RPS6KA1: variants seen among roughly 807,000 people sequenced by gnomAD.
The protein encoded by RPS6KA1 is ribosomal protein S6 kinase alpha-1.
A neutral mutation model predicts 91.3 loss-of-function variants in RPS6KA1; 48 were observed. The observed-to-expected ratio is 0.53, with a 90% confidence interval of 0.42 to 0.67. The LOEUF is 0.67. RPS6KA1 is among the 30% of genes least tolerant of loss of function. The pLI is 0.00. For missense variants in RPS6KA1, 719 were observed against 960.5 expected, an observed-to-expected ratio of 0.75 and a Z score of 3.32; for synonymous variants, 359 against 384.7, an observed-to-expected ratio of 0.93 and a Z score of 0.78.
intron 2 of RPS6KA1, among the ~76,000 whole-genome samples, chr1:26,539,374 T>C (rs1467105463): frequency 2.0e-5 from 3 of 152,082 alleles, no homozygotes; most frequent in African/African-American, 7.2e-5. Flanking sequence ...AAAGGCAGGA[T>C]TTGGGCAGCT....
rs753241715 is a variant in RPS6KA1, at chr1:26,573,350, CA to C, written c.2075del (p.Gln692ArgfsTer3). ...PQSQLSHQDL[Q>X]LVKGAMAATY... ...AAGCCAGCTGTCCCACCAGGACCTACAGCTTGTGAAGGTATGGCCACCCTTG... is the reference window on the plus strand; with the variant it reads ...AAGCCAGCTGTCCCACCAGGACCTACGCTTGTGAAGGTATGGCCACCCTTG... On this transcript the variant is annotated frameshift_variant, in exon 21 of 22. Transcript: ENST00000374168. LOFTEE classifies it high-confidence loss of function. 1 of 1,614,088 alleles carries C rather than the reference CA, an allele frequency of 6.2e-7. No homozygotes were observed. Among genetic ancestry groups the C allele is most frequent in the African/African-American group, 1.3e-5 (1 of 74,948 alleles).
In RPS6KA1 at chr1:26,541,256, C is replaced by CAA. The variant is rs1236744429; in HGVS notation, c.108+4302_108+4303dup. ...TGGGCAACAGAGTGAGACTCTGTCT[C>CAA]AAAAAAAAAAAAAAAATGCCGGACA... On this transcript the variant is annotated intron_variant, in intron 2 of 21. Coordinates refer to ENST00000374168, the MANE Select transcript of RPS6KA1 (RefSeq NM_002953.4). Among the ~76,000 whole-genome samples the CAA allele has an allele frequency of 5.3e-3, 491 of 93,488 alleles. 6 individuals carry two copies. Among genetic ancestry groups the CAA allele is most frequent in the African/African-American group, 0.018 (469 of 25,844 alleles). The allele number at this position is 93,488 out of a possible 152,430, so 61.3% of individuals were successfully genotyped here.
At position 26,554,499 on chromosome 1, in the gene RPS6KA1, G is replaced by C; in HGVS notation, c.614-97G>C. 3 of 1,480,442 alleles carry C rather than the reference G, an allele frequency of 2.0e-6. No individual in the cohort carries two copies. The highest frequency in any genetic ancestry group is 1.8e-6 in the Non-Finnish European group (2 of 1,091,512). 91.7% of individuals were successfully genotyped at this position (1,480,442 alleles called of 1,614,324 possible). A position where few individuals can be genotyped will look rare whatever the true frequency, so the allele number is the denominator to read the frequency against. The stretch of plus-strand genomic sequence containing the variant: ...TCCTCCTGAGTGTCATGGGGGTGAT[G>C]CCTTCTGGCCTCTGGGCACGGGGGT... On this transcript the variant is annotated intron_variant, in intron 8 of 21. Coordinates refer to ENST00000374168, the MANE Select transcript of RPS6KA1 (RefSeq NM_002953.4). The surrounding 1 kb of genome is among the most constrained non-coding windows in gnomAD (Gnocchi z 4.6).
intron 20 of RPS6KA1, 38 bp from the exon 21 acceptor site, chr1:26,573,186 C>A (rs766967846): frequency 6.2e-7 from 1 of 1,606,698 alleles, no homozygotes; most frequent in East Asian, 2.2e-5. Context: ...TGCTCCCCTG[C>A]AGCCCTCCCC....
In RPS6KA1 at chr1:26,574,441, T is replaced by TG. The variant is rs2076279127; in HGVS notation, c.*241dup. 1 of 712,572 alleles carries TG rather than the reference T, an allele frequency of 1.4e-6. No homozygotes were observed. 44.1% of individuals were successfully genotyped at this position (712,572 alleles called of 1,614,324 possible). On this transcript the variant is annotated 3_prime_UTR_variant, in exon 22 of 22. Coordinates refer to ENST00000374168, the MANE Select transcript of RPS6KA1 (RefSeq NM_002953.4). This position sits in a 1 kb window ranked among gnomAD's most constrained non-coding sequence, Gnocchi z 4.3. ...GATTCACTGTATAAACTTTTTTTTA[T>TG]GAAAAAAATGGCATCAACCACCATG...
chr1:26,554,072 C>T lies in RPS6KA1; in HGVS notation c.576-142C>T. 3 of 807,048 alleles carry T rather than the reference C, an allele frequency of 3.7e-6. No individual in the cohort carries two copies. In the South Asian group the frequency reaches 5.7e-5, roughly 15 times the overall value. 50.0% of individuals were successfully genotyped at this position (807,048 alleles called of 1,614,324 possible). Reference sequence around the variant, plus strand: ...ACACCCCTGCGTGGTACTGCTACCACCCTGCAACACCCGCCCAGTCATCAG... The same window carrying T: ...ACACCCCTGCGTGGTACTGCTACCATCCTGCAACACCCGCCCAGTCATCAG... On this transcript the variant is annotated intron_variant, in intron 7 of 21. Coordinates refer to ENST00000374168, the MANE Select transcript of RPS6KA1 (RefSeq NM_002953.4). The surrounding 1 kb of genome is among the most constrained non-coding windows in gnomAD (Gnocchi z 4.6).
At chr1:26,552,638 C>A (rs1233852384) in intron 6 of RPS6KA1, among the ~76,000 whole-genome samples, 1 of 151,300 alleles carries the variant, frequency 6.6e-6, no homozygotes, top group Non-Finnish European at 1.5e-5. Context: ...AGGTGCACGC[C>A]ACCACGCCTG....
At chr1:26,541,423 AG>A (rs2075946861) in intron 2 of RPS6KA1, among the ~76,000 whole-genome samples, 1 of 151,660 alleles carries the variant, frequency 6.6e-6, no homozygotes, top group African/African-American at 2.4e-5. Context: ...GGCATTGTGG[AG>A]TGTGCCTGTA....
chr1:26,572,168 T>C lies in RPS6KA1; in HGVS notation c.1830-8T>C, dbSNP rs368703733. The C allele has an allele frequency of 2.8e-5, 45 of 1,611,540 alleles. No individual in the cohort carries two copies. In the African/African-American group the frequency reaches 5.6e-4, roughly 20 times the overall value. Reference sequence around the variant, plus strand: ...GTCTGTACCCAGACCGTGCGGGCTTTTCTGCAGATATACTCCATTTGCCAA... The same window carrying C: ...GTCTGTACCCAGACCGTGCGGGCTTCTCTGCAGATATACTCCATTTGCCAA... On this transcript the variant is annotated splice_region_variant and splice_polypyrimidine_tract_variant and intron_variant, in intron 19 of 21. Coordinates refer to ENST00000374168, the MANE Select transcript of RPS6KA1 (RefSeq NM_002953.4).
chr1:26,554,080 C>A lies in RPS6KA1; in HGVS notation c.576-134C>A. The A allele has an allele frequency of 1.1e-6, 1 of 897,900 alleles. No individual in the cohort carries two copies. The allele number at this position is 897,900 out of a possible 1,614,324, so 55.6% of individuals were successfully genotyped here. A position where few individuals can be genotyped will look rare whatever the true frequency, so the allele number is the denominator to read the frequency against. Reference sequence around the variant, plus strand: ...GCGTGGTACTGCTACCACCCTGCAACACCCGCCCAGTCATCAGAGAGAATT... The same window carrying A: ...GCGTGGTACTGCTACCACCCTGCAAAACCCGCCCAGTCATCAGAGAGAATT... On this transcript the variant is annotated intron_variant, in intron 7 of 21. Transcript: ENST00000374168. The surrounding 1 kb of genome is among the most constrained non-coding windows in gnomAD (Gnocchi z 4.6).
Position 26,529,794 on chromosome 1 carries a change from G to T in RPS6KA1, c.-127G>T, listed in dbSNP as rs994586165. ...AGTGCCGCGGCGGCGGCGGCGGACG[G>T]CCCAGCCGGAGCGCGAGGGGCTCGG... On this transcript the variant is annotated 5_prime_UTR_variant, in exon 1 of 22. Transcript: ENST00000374168. This position sits in a 1 kb window ranked among gnomAD's most constrained non-coding sequence, Gnocchi z 4.2. 13 of 622,418 alleles carry T rather than the reference G, an allele frequency of 2.1e-5. No individual in the cohort carries two copies. Among genetic ancestry groups the T allele is most frequent in the Non-Finnish European group, 2.6e-5 (12 of 456,504 alleles). The allele number at this position is 622,418 out of a possible 1,614,324, so 38.6% of individuals were successfully genotyped here.
intron 17 of RPS6KA1, among the ~76,000 whole-genome samples, chr1:26,567,059 C>G (rs2076209339): frequency 6.6e-6 from 1 of 152,010 alleles, no homozygotes; most frequent in Admixed American, 6.6e-5. Context: ...CTCTGTCACC[C>G]CAGCTGGAGC....
At chr1:26,535,617 AC>A (rs2075900509) in intron 1 of RPS6KA1, among the ~76,000 whole-genome samples, 1 of 151,946 alleles carries the variant, frequency 6.6e-6, no homozygotes. Flanking sequence ...TTTAATAACC[AC>A]CTGAGAGTGA....
At position 26,551,632 on chromosome 1, in the gene RPS6KA1, C is replaced by T; in HGVS notation, c.389-12C>T. Reference sequence around the variant, plus strand: ...GCGCCGACTCTACCATTGCCTTTCTCCCTCTTCCCAGCCTTCCAGACCGAG... The same window carrying T: ...GCGCCGACTCTACCATTGCCTTTCTTCCTCTTCCCAGCCTTCCAGACCGAG... On this transcript the variant is annotated splice_polypyrimidine_tract_variant and intron_variant, in intron 5 of 21. Coordinates refer to ENST00000374168, the MANE Select transcript of RPS6KA1 (RefSeq NM_002953.4). The surrounding 1 kb of genome is among the most constrained non-coding windows in gnomAD (Gnocchi z 4.5). 1 of 1,613,798 alleles carries T rather than the reference C, an allele frequency of 6.2e-7. No individual in the cohort carries two copies. Among genetic ancestry groups the T allele is most frequent in the Middle Eastern group, 1.6e-4 (1 of 6,062 alleles).
chr1:26,549,679 A>G (rs941830325), intron 4 of RPS6KA1, among the ~76,000 whole-genome samples: 7 of 149,938 alleles, frequency 4.7e-5, no homozygotes, highest in Admixed American at 1.3e-4. Context: ...AGCCATGTCC[A>G]AAAGCCTGTT....
chr1:26,545,836 G>T, intron 2 of RPS6KA1: 1 of 1,476,520 alleles, frequency 6.8e-7, no homozygotes, highest in East Asian at 2.6e-5. Context: ...CTTGGTCCCG[G>T]CCACCACTGC....
At chr1:26,546,368 G>T (rs1378605948) in intron 2 of RPS6KA1, among the ~76,000 whole-genome samples, 1 of 152,218 alleles carries the variant, frequency 6.6e-6, no homozygotes, top group Non-Finnish European at 1.5e-5. Flanking sequence ...CACTTACCTA[G>T]TTGATGGGGG....
chr1:26,556,922 C>A, intron 12 of RPS6KA1, 76 bp from the exon 13 acceptor site: 2 of 1,276,944 alleles, frequency 1.6e-6, no homozygotes, highest in Admixed American at 1.7e-5. Context: ...CCAAGCCCAG[C>A]ACCTCCTCCT....
intron 17 of RPS6KA1, among the ~76,000 whole-genome samples, chr1:26,567,168 C>T (rs1190350714): frequency 2.0e-5 from 3 of 152,054 alleles, no homozygotes; most frequent in Non-Finnish European, 4.4e-5. Flanking sequence ...GGACTACAGG[C>T]GTGCCACCAC....
Sources: gnomAD v4.1 joint callset for allele counts (sites outside exome capture counted in the v4.1 genomes callset) on GRCh38, gnomAD v4.1.1 for gene constraint, Gnocchi (gnomAD v3.1) non-coding constraint, MANE v1.5 for transcripts, NCBI Gene and HGNC (gene_info 2026-07-23, HGNC 2026-07-21) for gene names.